The following ZNF804A variants were observed in gnomAD, a reference collection of about 807,000 sequenced individuals.
ZNF804A encodes zinc finger protein 804A.
A neutral mutation model predicts 16.5 loss-of-function variants in ZNF804A; 2 were observed. The observed-to-expected ratio is 0.12, with a 90% confidence interval of 0.05 to 0.38. The LOEUF (loss-of-function observed/expected upper bound fraction) is 0.38, where lower values mean the gene tolerates loss of function less well. ZNF804A is among the 10% of genes least tolerant of loss of function. The pLI, the probability that ZNF804A is intolerant of heterozygous loss-of-function variation, is 0.99. For synonymous variants in ZNF804A, 534 were observed against 489.6 expected, an observed-to-expected ratio of 1.09 and a Z score of -1.20; for missense variants, 1,473 against 1,390.7, an observed-to-expected ratio of 1.06 and a Z score of -0.94.
intron 1 of ZNF804A, among the ~76,000 whole-genome samples, chr2:184,718,557 G>A (rs1413804186): frequency 6.6e-6 from 1 of 152,138 alleles, no homozygotes; most frequent in Non-Finnish European, 1.5e-5. Context: ...GGGGGTACAG[G>A]TACTGGGTAA....
At chr2:184,911,230 C>A (rs1294753353) in intron 2 of ZNF804A, among the ~76,000 whole-genome samples, 2 of 151,948 alleles carry the variant, frequency 1.3e-5, no homozygotes, top group African/African-American at 4.8e-5. Flanking sequence ...ATAGGGAGTC[C>A]TTTCCCCATT....
chr2:184,828,682 T>C (rs1193687641), intron 1 of ZNF804A, among the ~76,000 whole-genome samples: 1 of 151,900 alleles, frequency 6.6e-6, no homozygotes, highest in Non-Finnish European at 1.5e-5. Context: ...CTTGACTTCA[T>C]GATGTGTAAA....
intron 1 of ZNF804A, among the ~76,000 whole-genome samples, chr2:184,792,449 C>A (rs934666307): frequency 1.3e-5 from 2 of 152,068 alleles, no homozygotes; most frequent in Admixed American, 1.3e-4. Context: ...TTTTTGCCAT[C>A]TGTTTATCTT....
At chr2:184,771,010 T>C (rs999927228) in intron 1 of ZNF804A, among the ~76,000 whole-genome samples, 2 of 152,082 alleles carry the variant, frequency 1.3e-5, no homozygotes, top group African/African-American at 4.8e-5. Flanking sequence ...AACTCTCATG[T>C]AAATCAACAA....
intron 1 of ZNF804A, among the ~76,000 whole-genome samples, chr2:184,787,521 GT>G (rs60953172): frequency 0.33 from 50,655 of 151,646 alleles, 11,830 homozygotes; most frequent in African/African-American, 0.67. Flanking sequence ...AACATCGGTT[GT>G]TTTTTTGACT....
chr2:184,855,508 A>G (rs1373852574), intron 1 of ZNF804A, among the ~76,000 whole-genome samples: 2 of 151,940 alleles, frequency 1.3e-5, no homozygotes, highest in Non-Finnish European at 2.9e-5. Flanking sequence ...CCCAAATGTG[A>G]CTTCATGAAT....
At chr2:184,611,801 A>G (rs1254145699) in intron 1 of ZNF804A, among the ~76,000 whole-genome samples, 1 of 152,212 alleles carries the variant, frequency 6.6e-6, no homozygotes, top group Non-Finnish European at 1.5e-5. Flanking sequence ...CAGAAAGTCA[A>G]TATAAGAAGG....
chr2:184,875,466 C>T (rs1272579679), intron 2 of ZNF804A, among the ~76,000 whole-genome samples: 1 of 152,076 alleles, frequency 6.6e-6, no homozygotes, highest in African/African-American at 2.4e-5. Flanking sequence ...TGCTGGCTCC[C>T]CTTCTCTTTC....
intron 1 of ZNF804A, among the ~76,000 whole-genome samples, chr2:184,705,900 C>T (rs1447775574): frequency 1.3e-5 from 2 of 152,126 alleles, no homozygotes; most frequent in African/African-American, 4.8e-5. Flanking sequence ...TCTACCTCTG[C>T]TACCATGGCA....
chr2:184,735,250 G>C (rs1388247073), intron 1 of ZNF804A, among the ~76,000 whole-genome samples: 1 of 151,344 alleles, frequency 6.6e-6, no homozygotes, highest in Non-Finnish European at 1.5e-5. Flanking sequence ...TTCTTACATA[G>C]GTCCAAGATC....
At chr2:184,919,375 C>T (rs1685497209) in intron 2 of ZNF804A, among the ~76,000 whole-genome samples, 1 of 152,192 alleles carries the variant, frequency 6.6e-6, no homozygotes, top group Non-Finnish European at 1.5e-5. Context: ...TGGCCATAGC[C>T]AGGTCAACCT....
At chr2:184,700,676 A>G (rs551394914) in intron 1 of ZNF804A, among the ~76,000 whole-genome samples, 2 of 152,178 alleles carry the variant, frequency 1.3e-5, no homozygotes, top group African/African-American at 4.8e-5. Flanking sequence ...CAAAAATACC[A>G]AACTGATAGA....
At position 184,933,718 on chromosome 2, in the gene ZNF804A, G is replaced by A. The variant is rs115556450; in HGVS notation, c.371G>A (p.Arg124Lys). 1.0e-3 allele frequency: 1,648 copies of A among 1,602,824 alleles called. 17 individuals are homozygous for A. The African/African-American group carries it at 0.019, about 19-fold the overall frequency. The change falls in exon 3 of 4, where the codon AGA (arginine) becomes AAA (lysine). Residue 124 changes from arginine (R) to lysine (K), a missense_variant. Physicochemically the swap from Arg to Lys is conservative, Grantham distance 26 (BLOSUM62 2). Coordinates refer to ENST00000302277, the MANE Select transcript of ZNF804A (RefSeq NM_194250.2). The part of the protein sequence containing the change: ...LQRLHKLAEL[R>K]KETVCAPGSG... ...CGCCTGCACAAGCTGGCTGAGCTAA[G>A]AAAGGAAACTGTATGGTGAGTATCC...
intron 1 of ZNF804A, among the ~76,000 whole-genome samples, chr2:184,778,212 G>T (rs1694318057): frequency 1.3e-5 from 2 of 151,314 alleles, no homozygotes; most frequent in Non-Finnish European, 3.0e-5. Context: ...GTTTTATAAT[G>T]ATTTCATTCT....
At chr2:184,763,425 T>TTTTTTTTTTTTTTTTTTTTTTTA (rs1694070309) in intron 1 of ZNF804A, among the ~76,000 whole-genome samples, 1 of 152,084 alleles carries the variant, frequency 6.6e-6, no homozygotes, top group Non-Finnish European at 1.5e-5. Flanking sequence ...TTCGTTTCTT[T>TTTTTTTTTTTTTTTTTTTTTTTA]GTTCTTCTAT....
chr2:184,720,109 C>A (rs562330939), intron 1 of ZNF804A, among the ~76,000 whole-genome samples: 1 of 152,030 alleles, frequency 6.6e-6, no homozygotes, highest in African/African-American at 2.4e-5. Context: ...CAAGAGAAGA[C>A]GTTTTGTGCA....
chr2:184,615,791 A>T (rs1395257652), intron 1 of ZNF804A, among the ~76,000 whole-genome samples: 2 of 152,168 alleles, frequency 1.3e-5, no homozygotes, highest in Non-Finnish European at 2.9e-5. Flanking sequence ...CAGAGGTAGG[A>T]TGGCACAAAG....
At chr2:184,663,060 A>T (rs1393700974) in intron 1 of ZNF804A, among the ~76,000 whole-genome samples, 2 of 152,198 alleles carry the variant, frequency 1.3e-5, no homozygotes, top group Non-Finnish European at 2.9e-5. Flanking sequence ...AAGACACTGG[A>T]TACAGAGTGG....
chr2:184,725,456 C>A (rs1248617666), intron 1 of ZNF804A, among the ~76,000 whole-genome samples: 1 of 151,494 alleles, frequency 6.6e-6, no homozygotes, highest in Non-Finnish European at 1.5e-5. Flanking sequence ...ATAAACTTCA[C>A]CTACTCTAAT....
Sources: allele counts gnomAD v4.1 joint callset (sites outside exome capture counted in the v4.1 genomes callset), GRCh38; gene constraint gnomAD v4.1.1; transcripts MANE v1.5; gene names NCBI Gene and HGNC (gene_info 2026-07-23, HGNC 2026-07-21).